Variants in HPS4 observed in about 807,000 individuals in gnomAD.
HPS4 encodes BLOC-3 complex member HPS4.
A neutral mutation model predicts 70.3 loss-of-function variants in HPS4; 44 were observed. That is an observed-to-expected ratio of 0.63 (90% confidence interval 0.49 to 0.80). The LOEUF is 0.80. HPS4 is among the 30% of genes least tolerant of loss of function. HPS4 has a pLI of 0.00. For missense variants in HPS4, 873 were observed against 884.4 expected (o/e 0.99, Z 0.16); for synonymous variants, 377 against 355.9 (o/e 1.06, Z -0.67).
chr22:26,477,963 A>C (rs1258528374), intron 3 of HPS4, among the ~76,000 whole-genome samples: 1 of 152,220 alleles, frequency 6.6e-6, no homozygotes, highest in Non-Finnish European at 1.5e-5. Context: ...GAATATGTGG[A>C]TGCTGTTTGG....
intron 2 of HPS4, among the ~76,000 whole-genome samples, chr22:26,481,259 T>C (rs1355974647): frequency 3.9e-5 from 6 of 152,198 alleles, no homozygotes; most frequent in African/African-American, 1.4e-4. Flanking sequence ...CTATGACTGA[T>C]GTTTGCTAAA....
At chr22:26,471,455 G>A (rs1022932829) in intron 6 of HPS4, 2 of 451,884 alleles carry the variant, frequency 4.4e-6, no homozygotes, top group African/African-American at 2.0e-5. Context: ...AGCCTCCTCA[G>A]ACTTCCACCT....
Position 26,464,246 on chromosome 22 carries a change from GGA to G in HPS4, c.1382_1383del (p.Leu461ProfsTer31). On this transcript the variant is annotated frameshift_variant, in exon 11 of 14. Coordinates refer to ENST00000398145, the MANE Select transcript of HPS4 (RefSeq NM_022081.6). LOFTEE classifies it high-confidence loss of function. Reference protein sequence around the residue: ...SQAPIPRADPLPRRTRRPLLL... With the variant: ...SQAPIPRADPXPRRTRRPLLL... ...AACAAGGGCCTGCGGGTCCTTCTGG[GGA>G]GAGGGTCTGCTCTGGGAATGGGGGC... 1 of 1,614,168 alleles carries G rather than the reference GGA, an allele frequency of 6.2e-7. No individual in the cohort carries two copies. Among genetic ancestry groups the G allele is most frequent in the Non-Finnish European group, 8.5e-7 (1 of 1,180,036 alleles).
rs145842322 is a variant in HPS4 at position 26,470,137 on chromosome 22, C to T, written c.596+582G>A. 1.4e-3 allele frequency among the ~76,000 whole-genome samples: 219 copies of T among 152,386 alleles called. 2 individuals are homozygous for T. Among genetic ancestry groups the T allele is most frequent in the African/African-American group, 4.8e-3 (199 of 41,590 alleles). On this transcript the variant is annotated intron_variant, in intron 7 of 13. Coordinates refer to ENST00000398145, the MANE Select transcript of HPS4 (RefSeq NM_022081.6). ...CTGCCCTGGGCTGTGACAGCAAACCCTCCATGAGGAGAGAGGCCTTAGATG... is the reference window on the plus strand; with the variant it reads ...CTGCCCTGGGCTGTGACAGCAAACCTTCCATGAGGAGAGAGGCCTTAGATG...
At chr22:26,448,708 C>T (rs1397436244), downstream of HPS4, among the ~76,000 whole-genome samples, 1 of 152,194 alleles carries the variant, frequency 6.6e-6, no homozygotes, top group African/African-American at 2.4e-5. Flanking sequence ...AGGGGAAGTA[C>T]AGCTAATTTC....
intron 9 of HPS4, 59 bp downstream of exon 9, chr22:26,466,167 G>C: frequency 6.2e-7 from 1 of 1,611,376 alleles, no homozygotes; most frequent in African/African-American, 1.3e-5. Flanking sequence ...ACTTGTACAG[G>C]GGTAGGTAGC....
chr22:26,453,286 G>A lies in HPS4; in HGVS notation c.2074C>T (p.Leu692Phe). Residue 692 changes from leucine to phenylalanine, a missense_variant, in exon 14 of 14, where the codon CTC becomes TTC. Leu to Phe is a conservative substitution (Grantham distance 22). Coordinates refer to ENST00000398145, the MANE Select transcript of HPS4 (RefSeq NM_022081.6). ...FPNPQDGAFS[L>F]SGKAKQKLLK... Reference sequence around the variant, plus strand: ...AGCTTCTGCTTTGCTTTGCCGGAGAGGCTGAAGGCGCCATCCTGAGGGTTT... The same window carrying A: ...AGCTTCTGCTTTGCTTTGCCGGAGAAGCTGAAGGCGCCATCCTGAGGGTTT... 6.2e-7 allele frequency: 1 copy of A among 1,614,234 alleles called. No homozygotes were observed. The highest frequency in any genetic ancestry group is 1.3e-5 in the African/African-American group (1 of 75,056).
intron 4 of HPS4, chr22:26,475,259 A>C (rs959272298): frequency 1.3e-5 from 2 of 152,144 alleles, no homozygotes; most frequent in African/African-American, 4.8e-5. Flanking sequence ...GAACGCTGAT[A>C]GATGCAACAA....
chr22:26,470,862 CAGGA>C, intron 6 of HPS4, 49 bp from the exon 7 acceptor site: 1 of 1,610,952 alleles, frequency 6.2e-7, no homozygotes, highest in South Asian at 1.1e-5. Flanking sequence ...TGCTCACAAT[CAGGA>C]AGGGAGAAAA....
chr22:26,473,000 TC>T (rs2090053555), intron 4 of HPS4, 61 bp from the exon 5 acceptor site: 2 of 1,466,070 alleles, frequency 1.4e-6, no homozygotes, highest in Non-Finnish European at 1.9e-6. Context: ...AAGCCCAGAA[TC>T]CTGGCATCCA....
At chr22:26,479,454 C>G in intron 2 of HPS4, 99 bp from the exon 3 acceptor site, 1 of 1,543,542 alleles carries the variant, frequency 6.5e-7, no homozygotes, top group Non-Finnish European at 8.7e-7. Flanking sequence ...GGGCTTATTA[C>G]TGTGTTTGAA....
chr22:26,450,159 C>G (rs1460329126), downstream of HPS4, among the ~76,000 whole-genome samples: 1 of 152,240 alleles, frequency 6.6e-6, no homozygotes, highest in African/African-American at 2.4e-5. Flanking sequence ...TCAACCACAT[C>G]TGCAAACATC....
At chr22:26,472,150 G>A in intron 6 of HPS4, 152 bp downstream of exon 6, 2 of 695,694 alleles carry the variant, frequency 2.9e-6, no homozygotes, top group Admixed American at 4.1e-5. Context: ...TAAGGGAAAT[G>A]AGGCTGAGAG....
chr22:26,453,783 G>A, intron 13 of HPS4: 1 of 315,334 alleles, frequency 3.2e-6, no homozygotes, highest in Non-Finnish European at 6.2e-6. Flanking sequence ...CTGCAGTGGT[G>A]GTATGGTCCC....
intron 3 of HPS4, among the ~76,000 whole-genome samples, chr22:26,478,327 C>A (rs2090842395): frequency 2.6e-5 from 4 of 151,632 alleles, no homozygotes; most frequent in Admixed American, 2.0e-4. Flanking sequence ...AATCCCTGCA[C>A]TTTGGGAGGC....
intron 8 of HPS4, 77 bp from the exon 9 acceptor site, chr22:26,466,339 G>A: frequency 6.5e-7 from 1 of 1,529,112 alleles, no homozygotes; most frequent in African/African-American, 1.4e-5. Context: ...AATTTGCTGT[G>A]CCATCTGTTC....
chr22:26,475,430 G>GT (rs2090412301), intron 4 of HPS4: 1 of 132,930 alleles, frequency 7.5e-6, no homozygotes, highest in South Asian at 2.4e-4. Context: ...TCAGCTCACT[G>GT]TAACCTCTGC....
intron 10 of HPS4, 40 bp downstream of exon 10, chr22:26,465,415 C>T (rs754584566): frequency 2.8e-6 from 4 of 1,423,218 alleles, no homozygotes; most frequent in Non-Finnish European, 4.0e-6. Context: ...TGGGGTCCCT[C>T]AGGTGTGGTG....
intron 8 of HPS4, 26 bp from the exon 9 acceptor site, chr22:26,466,288 G>A: frequency 1.2e-6 from 2 of 1,613,730 alleles, no homozygotes; most frequent in Middle Eastern, 1.7e-4. Context: ...CACAGAAGTT[G>A]GCGCTGGGCA....
Sources: allele counts gnomAD v4.1 joint callset (sites outside exome capture counted in the v4.1 genomes callset), GRCh38; gene constraint gnomAD v4.1.1; transcripts MANE v1.5; gene names NCBI Gene and HGNC (gene_info 2026-07-23, HGNC 2026-07-21).